Variants in KIF5C observed in about 807,000 individuals in gnomAD.
The protein encoded by KIF5C is kinesin heavy chain isoform 5C.
A neutral mutation model predicts 125.2 loss-of-function variants in KIF5C; 18 were observed. The observed-to-expected ratio is 0.14, with a 90% CI of 0.10 to 0.21. The LOEUF is 0.21. Among genes scored for constraint, KIF5C ranks in the 10% least tolerant of loss-of-function variants. KIF5C has a pLI of 1.00. For missense variants in KIF5C, 780 were observed against 1,183.8 expected, an observed-to-expected ratio of 0.66 and a Z score of 5.01; for synonymous variants, 405 against 434.0, an observed-to-expected ratio of 0.93 and a Z score of 0.83.
intron 19 of KIF5C, among the ~76,000 whole-genome samples, chr2:148,999,622 A>G (rs6746462): frequency 0.041 from 6,237 of 152,152 alleles, 405 homozygotes; most frequent in African/African-American, 0.14. Context: ...GATATCTCAC[A>G]TTCGTTATTC....
chr2:149,004,435 A>C (rs932209076), intron 21 of KIF5C, among the ~76,000 whole-genome samples: 1 of 152,200 alleles, frequency 6.6e-6, no homozygotes, highest in Non-Finnish European at 1.5e-5. Flanking sequence ...TGGTAAATAC[A>C]TGGAGACTTG....
chr2:148,875,812 G>T (rs1374063921), intron 1 of KIF5C, 69 bp downstream of exon 1: 1 of 1,540,538 alleles, frequency 6.5e-7, no homozygotes, highest in Non-Finnish European at 8.8e-7. Context: ...CGCCCCAGAC[G>T]CAGCGGAGGT....
rs904404860 is a variant in KIF5C, at chr2:149,004,927, G to A, written c.2374-466G>A. ...AAAACAAGCAAGTGTGTGGACTTGCGTCTGAAGCAGGTGTGGAGACAGGAA... is the reference window on the plus strand; with the variant it reads ...AAAACAAGCAAGTGTGTGGACTTGCATCTGAAGCAGGTGTGGAGACAGGAA... On this transcript the variant is annotated intron_variant, in intron 21 of 25. Coordinates refer to ENST00000435030, the MANE Select transcript of KIF5C (RefSeq NM_004522.3). 5.9e-5 allele frequency among the ~76,000 whole-genome samples: 9 copies of A among 152,204 alleles called. No homozygotes were observed. In the East Asian group the frequency reaches 9.6e-4, roughly 16 times the overall value.
chr2:149,008,996 T>G lies in KIF5C; in HGVS notation c.2550+929T>G, dbSNP rs201570965. ...TTATTTTTGTTTTTTTTAATGTTTT[T>G]TTTTTTTTTTTGAGGCAGAGTCTTG... On this transcript the variant is annotated intron_variant, in intron 23 of 25. Transcript: ENST00000435030. Among the ~76,000 whole-genome samples, 963 of 149,472 alleles carry G rather than the reference T, an allele frequency of 6.4e-3. 15 individuals carry two copies. Among genetic ancestry groups the G allele is most frequent in the Middle Eastern group, 0.059 (17 of 290 alleles).
intron 25 of KIF5C, among the ~76,000 whole-genome samples, chr2:149,021,498 G>C (rs558606858): frequency 6.6e-6 from 1 of 151,454 alleles, no homozygotes; most frequent in East Asian, 1.9e-4. Context: ...TCTAGACTGA[G>C]AATTTTTCTA....
rs1368926252 is a variant in KIF5C, at chr2:149,025,906, T to G, written c.*2836T>G. The stretch of plus-strand genomic sequence containing the variant: ...GGTAGTAGACAGAACAATAACAGTT[T>G]CGCGTTAAGACTTTTAAAGGAAATA... On this transcript the variant is annotated 3_prime_UTR_variant, in exon 26 of 26. Transcript: ENST00000435030. 2 of 152,682 alleles carry G rather than the reference T, an allele frequency of 1.3e-5. No individual in the cohort carries two copies. Among genetic ancestry groups the G allele is most frequent in the African/African-American group, 4.8e-5 (2 of 41,466 alleles). 9.5% of individuals were successfully genotyped at this position (152,682 alleles called of 1,614,324 possible). A position where few individuals can be genotyped will look rare whatever the true frequency, so the allele number is the denominator to read the frequency against.
rs934264577 is a variant in KIF5C at position 148,986,116 on chromosome 2, C to T, written c.1716+2350C>T. Among the ~76,000 whole-genome samples the T allele has an allele frequency of 1.1e-4, 16 of 152,068 alleles. No homozygotes were observed. In the Middle Eastern group the frequency reaches 0.014, roughly 129 times the overall value. On this transcript the variant is annotated intron_variant, in intron 15 of 25. Transcript: ENST00000435030. ...GGAAGTTGATGCTTGCTGCTGATAA[C>T]GATAAAGGAAGAAGGTATTTTTATG...
rs1681209965 is a variant in KIF5C at position 148,876,922 on chromosome 2, GATC to G, written c.126+1181_126+1183del. 6.6e-6 allele frequency among the ~76,000 whole-genome samples: 1 copy of G among 152,154 alleles called. No individual in the cohort carries two copies. Among genetic ancestry groups the G allele is most frequent in the South Asian group, 2.1e-4 (1 of 4,824 alleles). Reference sequence around the variant, plus strand: ...AGCATTGATTAAGTGATGTCATCCTGATCACTGAGCATGCTCCGACTAACCCCC... The same window carrying G: ...AGCATTGATTAAGTGATGTCATCCTGACTGAGCATGCTCCGACTAACCCCC... On this transcript the variant is annotated intron_variant, in intron 1 of 25. Coordinates refer to ENST00000435030, the MANE Select transcript of KIF5C (RefSeq NM_004522.3). The surrounding 1 kb of genome is among the most constrained non-coding windows in gnomAD (Gnocchi z 4.7).
intron 1 of KIF5C, among the ~76,000 whole-genome samples, chr2:148,898,164 C>T (rs1161940140): frequency 6.6e-6 from 1 of 151,868 alleles, no homozygotes; most frequent in Admixed American, 6.6e-5. Context: ...CTGTCTAGTC[C>T]ACATAGGAAT....
chr2:148,875,404 GA>G lies in KIF5C; in HGVS notation c.-213del. 1.9e-6 allele frequency: 1 copy of G among 521,932 alleles called. No homozygotes were observed. The highest frequency in any genetic ancestry group is 3.4e-6 in the Non-Finnish European group (1 of 297,318). 32.3% of individuals were successfully genotyped at this position (521,932 alleles called of 1,614,324 possible). ...GCCAGGGCAGGCCGGTCTGCAGCCG[GA>G]GGGGCCGGAGCGGAGAAGCTGCCCA... On this transcript the variant is annotated 5_prime_UTR_variant, in exon 1 of 26. Transcript: ENST00000435030.
At chr2:148,939,121 A>C (rs994255506) in intron 4 of KIF5C, among the ~76,000 whole-genome samples, 1 of 151,052 alleles carries the variant, frequency 6.6e-6, no homozygotes, top group African/African-American at 2.4e-5. Flanking sequence ...AAAGACGCAG[A>C]GTTACAAGGC....
intron 11 of KIF5C, among the ~76,000 whole-genome samples, chr2:148,966,358 G>A (rs533578591): frequency 1.5e-4 from 23 of 149,622 alleles, no homozygotes; most frequent in South Asian, 8.3e-4. Context: ...GTGTGTGCGC[G>A]CGCGCACACA....
chr2:148,961,114 A>T (rs1682914728), intron 10 of KIF5C, among the ~76,000 whole-genome samples: 1 of 152,226 alleles, frequency 6.6e-6, no homozygotes, highest in Non-Finnish European at 1.5e-5. Flanking sequence ...ATCATCTCTT[A>T]TACTGGAAGT....
intron 1 of KIF5C, among the ~76,000 whole-genome samples, chr2:148,921,836 T>C (rs1289368287): frequency 6.6e-6 from 1 of 152,202 alleles, no homozygotes; most frequent in Non-Finnish European, 1.5e-5. Context: ...CCAGGCTCTG[T>C]GTAAGTGCTC....
chr2:148,988,437 C>G (rs935333445), intron 15 of KIF5C, among the ~76,000 whole-genome samples: 11 of 152,168 alleles, frequency 7.2e-5, no homozygotes, highest in Non-Finnish European at 1.3e-4. Flanking sequence ...TACTCTTCCT[C>G]AATTTACATG....
intron 6 of KIF5C, 46 bp from the exon 7 acceptor site, chr2:148,942,626 TG>T: frequency 1.9e-6 from 3 of 1,570,892 alleles, no homozygotes; most frequent in Non-Finnish European, 2.6e-6. Flanking sequence ...AAAATATTGT[TG>T]CTTTTCAACT....
In KIF5C at chr2:148,955,792, C is replaced by G. The variant is rs562798004; in HGVS notation, c.968+5330C>G. On this transcript the variant is annotated intron_variant, in intron 10 of 25. Transcript: ENST00000435030. ...AATCTCCGTTTCTGTCTCTCACACA[C>G]CATTCACAGTGCAGAATCACACATG... Among the ~76,000 whole-genome samples, 4 of 152,226 alleles carry G rather than the reference C, an allele frequency of 2.6e-5. No individual in the cohort carries two copies. In the East Asian group the frequency reaches 7.7e-4, roughly 29 times the overall value.
intron 1 of KIF5C, among the ~76,000 whole-genome samples, chr2:148,913,996 T>TC (rs376031977): frequency 9.9e-5 from 15 of 152,204 alleles, no homozygotes; most frequent in African/African-American, 3.6e-4. Flanking sequence ...GCTTACCTTC[T>TC]CTCATGCTAT....
At chr2:148,898,371 T>C (rs938904023) in intron 1 of KIF5C, among the ~76,000 whole-genome samples, 1 of 152,178 alleles carries the variant, frequency 6.6e-6, no homozygotes, top group Admixed American at 6.5e-5. Flanking sequence ...ATTTCCTCTG[T>C]AGTAGGCAGA....
Sources: gnomAD v4.1 joint callset for allele counts (sites outside exome capture counted in the v4.1 genomes callset) on GRCh38, gnomAD v4.1.1 for gene constraint, Gnocchi (gnomAD v3.1) non-coding constraint, MANE v1.5 for transcripts, NCBI Gene and HGNC (gene_info 2026-07-23, HGNC 2026-07-21) for gene names.